Variants in CADPS2 observed in about 807,000 individuals in gnomAD.
The protein encoded by CADPS2 is calcium dependent secretion activator 2.
CADPS2 carries 93 observed loss-of-function variants against 172.5 expected under a neutral mutation model. The ratio of observed to expected loss-of-function variants is 0.54; its 90% confidence interval spans 0.46 to 0.64. CADPS2 has a LOEUF of 0.64. CADPS2 is among the 30% of genes least tolerant of loss of function. CADPS2 has a pLI of 0.00. For synonymous variants in CADPS2, 546 were observed against 555.2 expected (o/e 0.98, Z 0.23); for missense variants, 1,420 against 1,565.9 (o/e 0.91, Z 1.57).
chr7:122,643,111 C>T lies in CADPS2; in HGVS notation c.787-13783G>A, dbSNP rs137983673. ...ATTACAATAAATAATCAGCACAAAC[C>T]TAATGCTGATTCCAAAAGAATACTC... On this transcript the variant is annotated intron_variant, in intron 3 of 29. Transcript: ENST00000449022. Among the ~76,000 whole-genome samples, 11 of 152,192 alleles carry T rather than the reference C, an allele frequency of 7.2e-5. No individual in the cohort carries two copies. The East Asian group carries it at 1.4e-3, about 19-fold the overall frequency.
chr7:122,589,404 T>C (rs1478903049), intron 6 of CADPS2, among the ~76,000 whole-genome samples: 1 of 151,938 alleles, frequency 6.6e-6, no homozygotes, highest in Non-Finnish European at 1.5e-5. Context: ...CAAATGTTTT[T>C]AAAAATAGCT....
At chr7:122,404,515 C>T (rs969389831) in intron 20 of CADPS2, among the ~76,000 whole-genome samples, 14 of 152,192 alleles carry the variant, frequency 9.2e-5, no homozygotes, top group African/African-American at 2.9e-4. Flanking sequence ...CCCAGTAATG[C>T]GATTGCTGGG....
intron 29 of CADPS2, among the ~76,000 whole-genome samples, chr7:122,321,716 G>A (rs2032575741): frequency 6.6e-6 from 1 of 151,904 alleles, no homozygotes; most frequent in African/African-American, 2.4e-5. Flanking sequence ...CTGAACTCAG[G>A]TGATCCGCCC....
intron 2 of CADPS2, chr7:122,697,712 A>T (rs1483683314): frequency 3.5e-6 from 4 of 1,128,322 alleles, no homozygotes; most frequent in Non-Finnish European, 4.9e-6. Flanking sequence ...CCACACTTCA[A>T]ACAGACAAAC....
At chr7:122,709,931 T>TAGCA (rs988223676) in intron 2 of CADPS2, among the ~76,000 whole-genome samples, 3 of 151,568 alleles carry the variant, frequency 2.0e-5, no homozygotes, top group African/African-American at 7.3e-5. Context: ...AGGGAAGGGA[T>TAGCA]AGCATTAGGA....
At chr7:122,852,633 G>C (rs1289349912) in intron 1 of CADPS2, among the ~76,000 whole-genome samples, 1 of 152,132 alleles carries the variant, frequency 6.6e-6, no homozygotes, top group Non-Finnish European at 1.5e-5. Flanking sequence ...TAAGAATGAA[G>C]GCAAAGGTAG....
intron 7 of CADPS2, among the ~76,000 whole-genome samples, chr7:122,580,071 C>T (rs1338898543): frequency 1.3e-5 from 2 of 152,074 alleles, no homozygotes; most frequent in Admixed American, 1.3e-4. Flanking sequence ...CCATTAATAC[C>T]AGACAGAAAT....
intron 2 of CADPS2, among the ~76,000 whole-genome samples, chr7:122,723,698 A>T (rs1295763541): frequency 6.6e-6 from 1 of 152,194 alleles, no homozygotes; most frequent in Non-Finnish European, 1.5e-5. Context: ...ACAGGATTAT[A>T]AATCATGCTG....
intron 28 of CADPS2, among the ~76,000 whole-genome samples, chr7:122,335,066 G>A (rs2035629631): frequency 6.6e-6 from 1 of 152,100 alleles, no homozygotes; most frequent in South Asian, 2.1e-4. Context: ...ATCTCTATGG[G>A]CAAAGCCAAG....
chr7:122,870,969 A>G (rs1328931567), intron 1 of CADPS2, among the ~76,000 whole-genome samples: 4 of 152,042 alleles, frequency 2.6e-5, no homozygotes, highest in African/African-American at 7.2e-5. Flanking sequence ...ACACTGAACT[A>G]AGTGCTTTTC....
chr7:122,779,969 T>C (rs1792251525), intron 1 of CADPS2, among the ~76,000 whole-genome samples: 1 of 152,140 alleles, frequency 6.6e-6, no homozygotes, highest in African/African-American at 2.4e-5. Context: ...GTTGCAGAAA[T>C]GCTAAAAAAT....
At chr7:122,877,409 T>A (rs1821479010) in intron 1 of CADPS2, among the ~76,000 whole-genome samples, 1 of 152,120 alleles carries the variant, frequency 6.6e-6, no homozygotes, top group Non-Finnish European at 1.5e-5. Context: ...CTAAAGAGTA[T>A]GGTGACATAT....
chr7:122,503,545 T>C (rs1331259526), intron 9 of CADPS2, among the ~76,000 whole-genome samples: 1 of 152,206 alleles, frequency 6.6e-6, no homozygotes, highest in East Asian at 1.9e-4. Flanking sequence ...ACTAATATGA[T>C]TGCTCTTTCC....
chr7:122,577,509 T>C (rs188350620), intron 7 of CADPS2, among the ~76,000 whole-genome samples: 175 of 152,344 alleles, frequency 1.1e-3, no homozygotes, highest in Non-Finnish European at 1.8e-3. Flanking sequence ...GTTTCTATTA[T>C]TGAATAGTAT....
At chr7:122,661,752 T>G (rs2080560350) in intron 3 of CADPS2, among the ~76,000 whole-genome samples, 1 of 152,200 alleles carries the variant, frequency 6.6e-6, no homozygotes, top group African/African-American at 2.4e-5. Context: ...CAACTTGGAT[T>G]CCCTAATACC....
chr7:122,382,817 A>T (rs2151389092), intron 24 of CADPS2, among the ~76,000 whole-genome samples: 1 of 152,218 alleles, frequency 6.6e-6, no homozygotes, highest in South Asian at 2.1e-4. Flanking sequence ...ACAAAAAAAG[A>T]AAAAATACTG....
rs1382214647 is a variant in CADPS2 at position 122,438,580 on chromosome 7, G to C, written c.2353-116C>G. 11 of 1,209,784 alleles carry C rather than the reference G, an allele frequency of 9.1e-6. No homozygotes were observed. In the Admixed American group the frequency reaches 2.1e-4, roughly 23 times the overall value. The allele number at this position is 1,209,784 out of a possible 1,614,324, so 74.9% of individuals were successfully genotyped here. A position where few individuals can be genotyped will look rare whatever the true frequency, so the allele number is the denominator to read the frequency against. On this transcript the variant is annotated intron_variant, in intron 16 of 29. Coordinates refer to ENST00000449022, the MANE Select transcript of CADPS2 (RefSeq NM_017954.11). The stretch of plus-strand genomic sequence containing the variant: ...AAGACAAATTACACAAATTGTCCTT[G>C]ATCTGACTATTATTAGGGAGAGGGG...
At chr7:122,530,305 C>T (rs1374711604) in intron 8 of CADPS2, among the ~76,000 whole-genome samples, 5 of 147,466 alleles carry the variant, frequency 3.4e-5, no homozygotes, top group Admixed American at 6.7e-5. Flanking sequence ...TCCACTTAGG[C>T]TTAAGTTAGC....
At chr7:122,438,584 T>G in intron 16 of CADPS2, 120 bp from the exon 17 acceptor site, 8 of 1,186,454 alleles carry the variant, frequency 6.7e-6, no homozygotes, top group Non-Finnish European at 9.5e-6. Context: ...GTCCTTGATC[T>G]GACTATTATT....
Sources: allele counts gnomAD v4.1 joint callset (sites outside exome capture counted in the v4.1 genomes callset), GRCh38; gene constraint gnomAD v4.1.1; transcripts MANE v1.5; gene names NCBI Gene and HGNC (gene_info 2026-07-23, HGNC 2026-07-21).